VRK2: variants seen among roughly 807,000 people sequenced by gnomAD.
VRK2 encodes serine/threonine-protein kinase VRK2.
A neutral mutation model predicts 57.6 loss-of-function variants in VRK2; 60 were observed. That is an observed-to-expected ratio of 1.04 (90% CI 0.85 to 1.29). The LOEUF is 1.29. VRK2 is among the 50% of genes most tolerant of loss of function. The probability of loss-of-function intolerance (pLI) is 0.00; values close to 1 mark genes in which losing one functional copy is unlikely to be tolerated. For synonymous variants in VRK2, 231 were observed against 199.2 expected, an observed-to-expected ratio of 1.16 and a Z score of -1.35; for missense variants, 705 against 588.1, an observed-to-expected ratio of 1.20 and a Z score of -2.06.
chr2:58,156,186 C>A (rs1350343831), intron 12 of VRK2, among the ~76,000 whole-genome samples: 1 of 152,052 alleles, frequency 6.6e-6, no homozygotes, highest in Non-Finnish European at 1.5e-5. Flanking sequence ...GGAATCTATT[C>A]TTTCAGAACT....
intron 1 of VRK2, among the ~76,000 whole-genome samples, chr2:57,941,394 TA>T (rs1429653061): frequency 1.3e-5 from 2 of 152,172 alleles, no homozygotes; most frequent in African/African-American, 4.8e-5. Flanking sequence ...TAATTTGATC[TA>T]CCATGAGCAC....
At chr2:58,099,687 GAATGTTAGTAT>G (rs1338183278) in intron 7 of VRK2, among the ~76,000 whole-genome samples, 5 of 152,046 alleles carry the variant, frequency 3.3e-5, no homozygotes, top group Admixed American at 1.3e-4. Flanking sequence ...GTCAACATGT[GAATGTTAGTAT>G]ACCTGTGTTC....
intron 1 of VRK2, among the ~76,000 whole-genome samples, chr2:57,989,724 C>T (rs116734326): frequency 0.016 from 2,419 of 152,188 alleles, 64 homozygotes; most frequent in African/African-American, 0.055. Context: ...ATAATAAATG[C>T]ATTTTTATTT....
intron 12 of VRK2, among the ~76,000 whole-genome samples, chr2:58,152,459 T>C (rs1394382580): frequency 1.3e-5 from 2 of 151,932 alleles, no homozygotes; most frequent in African/African-American, 4.8e-5. Context: ...TTGGTATTGT[T>C]GCTTTAAGGA....
chr2:58,048,296 C>T (rs1318927499), intron 1 of VRK2, among the ~76,000 whole-genome samples: 1 of 151,988 alleles, frequency 6.6e-6, no homozygotes, highest in African/African-American at 2.4e-5. Context: ...GTTACATATC[C>T]GTGAAAATCC....
chr2:58,124,391 T>C (rs1677990632), intron 8 of VRK2, among the ~76,000 whole-genome samples: 1 of 152,216 alleles, frequency 6.6e-6, no homozygotes, highest in Admixed American at 6.5e-5. Flanking sequence ...TCTAATGTTA[T>C]GCTAGTGAAA....
chr2:57,968,282 A>G (rs1222549281), intron 1 of VRK2, among the ~76,000 whole-genome samples: 3 of 152,082 alleles, frequency 2.0e-5, no homozygotes, highest in Non-Finnish European at 4.4e-5. Context: ...TAAACATATG[A>G]ACTATAAATA....
intron 3 of VRK2, among the ~76,000 whole-genome samples, chr2:58,034,861 G>T (rs1298976104): frequency 6.6e-6 from 1 of 151,650 alleles, no homozygotes; most frequent in Admixed American, 6.6e-5. Flanking sequence ...TATTCTAAAC[G>T]CTTGGTGGTT....
chr2:58,071,959 A>T (rs1281056436), intron 2 of VRK2, among the ~76,000 whole-genome samples: 1 of 151,904 alleles, frequency 6.6e-6, no homozygotes, highest in Non-Finnish European at 1.5e-5. Context: ...CTTTCATCAG[A>T]TGTTTGTAGT....
At chr2:58,003,736 T>C (rs72949113) in intron 1 of VRK2, among the ~76,000 whole-genome samples, 1,723 of 152,240 alleles carry the variant, frequency 0.011, 46 homozygotes, top group African/African-American at 0.04. Context: ...TCATATACCA[T>C]GGTGTCTTGT....
chr2:57,919,136 A>G (rs1445041514), intron 1 of VRK2, among the ~76,000 whole-genome samples: 3 of 152,112 alleles, frequency 2.0e-5, no homozygotes, highest in Non-Finnish European at 4.4e-5. Flanking sequence ...AATGCATGGA[A>G]TCATTGGATA....
At position 58,107,249 on chromosome 2, in the gene VRK2, C is replaced by CAT. The variant is rs139141686; in HGVS notation, c.544-15844_544-15843dup. Among the ~76,000 whole-genome samples the CAT allele has an allele frequency of 4.1e-3, 622 of 152,182 alleles. 5 individuals carry two copies. Among genetic ancestry groups the CAT allele is most frequent in the African/African-American group, 0.015 (603 of 41,542 alleles). The stretch of plus-strand genomic sequence containing the variant: ...AGAAAAGCTTTAAAGTTGCTGAATA[C>CAT]ATATATATACTCTTCCCAGTGGGTT... On this transcript the variant is annotated intron_variant, in intron 7 of 12. Coordinates refer to ENST00000340157, the MANE Select transcript of VRK2 (RefSeq NM_006296.7).
chr2:58,010,553 C>T (rs1673388542), intron 1 of VRK2, among the ~76,000 whole-genome samples: 1 of 152,122 alleles, frequency 6.6e-6, no homozygotes, highest in South Asian at 2.1e-4. Flanking sequence ...TTGCTCACCC[C>T]ATCAGGGAAA....
intron 1 of VRK2, among the ~76,000 whole-genome samples, chr2:57,968,636 T>C (rs1321476322): frequency 1.3e-5 from 2 of 152,108 alleles, no homozygotes; most frequent in Admixed American, 1.3e-4. Context: ...TCAGAGAATA[T>C]ACCATTTCGT....
intron 1 of VRK2, among the ~76,000 whole-genome samples, chr2:57,922,268 G>A (rs1670373750): frequency 6.6e-6 from 1 of 151,914 alleles, no homozygotes; most frequent in African/African-American, 2.4e-5. Flanking sequence ...CTAAAATTCT[G>A]CTATATATAC....
At chr2:57,909,334 G>C (rs1669916767) in intron 1 of VRK2, among the ~76,000 whole-genome samples, 1 of 152,134 alleles carries the variant, frequency 6.6e-6, no homozygotes, top group African/African-American at 2.4e-5. Context: ...GAAATACCAA[G>C]AGTAAACTGA....
chr2:57,912,488 G>C (rs1670018332), intron 1 of VRK2, among the ~76,000 whole-genome samples: 2 of 152,038 alleles, frequency 1.3e-5, no homozygotes, highest in South Asian at 4.1e-4. Flanking sequence ...CCAAAACAGG[G>C]AGGAGCACAA....
Position 57,977,618 on chromosome 2 carries a change from CAG to C in VRK2, c.-438-48044_-438-48043del, listed in dbSNP as rs995437088. 3.4e-5 allele frequency among the ~76,000 whole-genome samples: 5 copies of C among 146,762 alleles called. 1 individual carries two copies. Among genetic ancestry groups the C allele is most frequent in the African/African-American group, 1.4e-4 (5 of 36,336 alleles). On this transcript the variant is annotated intron_variant, in intron 1 of 15. Transcript: ENST00000417641. Reference sequence around the variant, plus strand: ...TGTTTATGTCCTAGGAGACTTTGAACAGAGTCTATGACGTTTTCTACATATAG... The same window carrying C: ...TGTTTATGTCCTAGGAGACTTTGAACAGTCTATGACGTTTTCTACATATAG...
intron 1 of VRK2, among the ~76,000 whole-genome samples, chr2:57,915,143 A>T (rs1013590260): frequency 6.6e-6 from 1 of 152,172 alleles, no homozygotes; most frequent in African/African-American, 2.4e-5. Context: ...CTATCTCCGA[A>T]TAGGAATAGT....
Sources: gnomAD v4.1 joint callset for allele counts (sites outside exome capture counted in the v4.1 genomes callset) on GRCh38, gnomAD v4.1.1 for gene constraint, MANE v1.5 for transcripts, NCBI Gene and HGNC (gene_info 2026-07-23, HGNC 2026-07-21) for gene names.